TIAM1: variants seen among roughly 807,000 people sequenced by gnomAD.
TIAM1 encodes rho guanine nucleotide exchange factor TIAM1.
TIAM1 carries 65 observed loss-of-function variants against 163.5 expected under a neutral mutation model. The ratio of observed to expected loss-of-function variants is 0.40; its 90% confidence interval spans 0.33 to 0.49. The LOEUF is 0.49. TIAM1 is among the 20% of genes least tolerant of loss of function. The pLI, the probability that TIAM1 is intolerant of heterozygous loss-of-function variation, is 0.77. For synonymous variants in TIAM1, 833 were observed against 810.1 expected (o/e 1.03, Z -0.48); for missense variants, 1,789 against 2,044.7 (o/e 0.87, Z 2.41).
chr21:31,520,843 C>T (rs2047555694), intron 1 of TIAM1, among the ~76,000 whole-genome samples: 1 of 152,216 alleles, frequency 6.6e-6, no homozygotes, highest in African/African-American at 2.4e-5. Context: ...AGACATGCTT[C>T]GCCCTCCAAT....
chr21:31,529,059 C>T (rs756995141), intron 1 of TIAM1, among the ~76,000 whole-genome samples: 2 of 151,052 alleles, frequency 1.3e-5, no homozygotes, highest in South Asian at 2.1e-4. Flanking sequence ...GTAGCCGGGA[C>T]TACAGGCGCC....
chr21:31,448,378 G>T (rs767884193), intron 2 of TIAM1, among the ~76,000 whole-genome samples: 4 of 152,136 alleles, frequency 2.6e-5, no homozygotes, highest in Non-Finnish European at 4.4e-5. Flanking sequence ...GAGGAGGCGG[G>T]CGGATCACCT....
intron 3 of TIAM1, among the ~76,000 whole-genome samples, chr21:31,267,583 C>A (rs1425117233): frequency 7.4e-6 from 1 of 135,276 alleles, no homozygotes; most frequent in South Asian, 2.4e-4. Context: ...AAATGGAAAA[C>A]CTCAAGGTGT....
At position 31,213,361 on chromosome 21, in the gene TIAM1, G is replaced by A. The variant is rs373198945; in HGVS notation, c.2217+37C>T. ...ACCATGTATATGTTGATGCACTTGT[G>A]GTACTTTTAGAAAAGAAAACACACG... On this transcript the variant is annotated intron_variant, in intron 10 of 27. Coordinates refer to ENST00000541036, the MANE Select transcript of TIAM1 (RefSeq NM_001353694.2). The A allele has an allele frequency of 3.2e-6, 5 of 1,569,764 alleles. No homozygotes were observed. The African/African-American group carries it at 4.1e-5, about 13-fold the overall frequency.
At chr21:31,290,484 A>C (rs887367875) in intron 2 of TIAM1, among the ~76,000 whole-genome samples, 1 of 151,786 alleles carries the variant, frequency 6.6e-6, no homozygotes, top group Non-Finnish European at 1.5e-5. Context: ...AAAAAAGAAA[A>C]AAATATATAA....
intron 23 of TIAM1, among the ~76,000 whole-genome samples, chr21:31,134,000 A>G (rs755025802): frequency 3.3e-5 from 5 of 152,098 alleles, no homozygotes; most frequent in African/African-American, 9.7e-5. Flanking sequence ...CCTGGGAGGC[A>G]GAGGTTGCAG....
intron 2 of TIAM1, among the ~76,000 whole-genome samples, chr21:31,300,610 T>C (rs1354228288): frequency 6.6e-6 from 1 of 152,208 alleles, no homozygotes; most frequent in Non-Finnish European, 1.5e-5. Flanking sequence ...TAATAATACA[T>C]CAATTCTCTA....
intron 2 of TIAM1, among the ~76,000 whole-genome samples, chr21:31,396,049 G>C (rs1341276992): frequency 2.6e-5 from 4 of 152,198 alleles, no homozygotes; most frequent in African/African-American, 4.8e-5. Flanking sequence ...TAAATTAGAG[G>C]AAGTCTTATA....
chr21:31,501,536 A>C (rs1277231066), intron 1 of TIAM1, among the ~76,000 whole-genome samples: 1 of 152,128 alleles, frequency 6.6e-6, no homozygotes, highest in Non-Finnish European at 1.5e-5. Flanking sequence ...TTGTTCTCTC[A>C]AGACAAAACT....
chr21:31,445,806 G>A (rs937129610), intron 2 of TIAM1, among the ~76,000 whole-genome samples: 11 of 152,192 alleles, frequency 7.2e-5, no homozygotes, highest in African/African-American at 2.7e-4. Flanking sequence ...CAGCCAGGGG[G>A]AGGAGGGGAG....
rs1292376318 is a variant in TIAM1 at position 31,141,364 on chromosome 21, G to A, written c.3616C>T (p.Leu1206=). 1 of 1,614,246 alleles carries A rather than the reference G, an allele frequency of 6.2e-7. No homozygotes were observed. Among genetic ancestry groups the A allele is most frequent in the Admixed American group, 1.7e-5 (1 of 60,032 alleles). ...YPLLLRELFA[L]TDAESEEHYH... is the part of the protein sequence containing the mutation. ...TGCTCCTCGCTCTCCGCATCGGTCA[G>A]GGCGAACAGCTCCCTGAGCAGAAGT... The change falls in exon 21 of 28, where the codon CTG becomes TTG. Residue 1206 remains leucine (L), a synonymous_variant. Coordinates refer to ENST00000541036, the MANE Select transcript of TIAM1 (RefSeq NM_001353694.2). This position sits in a 1 kb window ranked among gnomAD's most constrained non-coding sequence, Gnocchi z 4.7.
At chr21:31,465,908 G>A (rs981499584) in intron 1 of TIAM1, among the ~76,000 whole-genome samples, 5 of 152,066 alleles carry the variant, frequency 3.3e-5, no homozygotes, top group African/African-American at 1.2e-4. Flanking sequence ...GGGTTTCACC[G>A]TGTTGGCCTG....
intron 16 of TIAM1, 22 bp from the exon 17 acceptor site, chr21:31,154,448 G>A: frequency 6.2e-7 from 1 of 1,604,774 alleles, no homozygotes; most frequent in Middle Eastern, 1.7e-4. Flanking sequence ...AGGGGGGAAG[G>A]GAAGGCAGAG....
chr21:31,483,227 C>A (rs566641765), intron 1 of TIAM1, among the ~76,000 whole-genome samples: 10 of 152,316 alleles, frequency 6.6e-5, no homozygotes, highest in Non-Finnish European at 1.5e-4. Flanking sequence ...GCAGTCCCCA[C>A]CACCATGGGA....
At chr21:31,446,817 A>G (rs1462388186) in intron 2 of TIAM1, among the ~76,000 whole-genome samples, 2 of 152,250 alleles carry the variant, frequency 1.3e-5, no homozygotes, top group Non-Finnish European at 2.9e-5. Context: ...AACAAATGCT[A>G]AGCACAGAAA....
At chr21:31,417,098 C>G (rs1451980393) in intron 2 of TIAM1, among the ~76,000 whole-genome samples, 1 of 152,220 alleles carries the variant, frequency 6.6e-6, no homozygotes, top group Non-Finnish European at 1.5e-5. Flanking sequence ...TCTCGGCTCA[C>G]TGCAACCTCT....
intron 3 of TIAM1, among the ~76,000 whole-genome samples, chr21:31,276,212 C>T (rs1433539493): frequency 6.6e-6 from 1 of 152,112 alleles, no homozygotes; most frequent in Admixed American, 6.5e-5. Flanking sequence ...TTCGCTAAAT[C>T]GTTACAACCC....
At chr21:31,133,013 T>C (rs535367197) in intron 23 of TIAM1, among the ~76,000 whole-genome samples, 1 of 152,352 alleles carries the variant, frequency 6.6e-6, no homozygotes, top group African/African-American at 2.4e-5. Flanking sequence ...AAAGCTGCAC[T>C]ATTTCCTGAG....
chr21:31,118,902 T>C lies in TIAM1; in HGVS notation c.*1466A>G, dbSNP rs1282553347. Reference sequence around the variant, plus strand: ...AGAGCATGATGTACTGAACTCTCTATTGTCTGGAAATATAAAGTCATAACT... The same window carrying C: ...AGAGCATGATGTACTGAACTCTCTACTGTCTGGAAATATAAAGTCATAACT... On this transcript the variant is annotated 3_prime_UTR_variant, in exon 28 of 28. Transcript: ENST00000541036. 4 of 253,048 alleles carry C rather than the reference T, an allele frequency of 1.6e-5. No homozygotes were observed. The highest frequency in any genetic ancestry group is 3.1e-5 in the Non-Finnish European group (4 of 127,500). 15.7% of individuals were successfully genotyped at this position (253,048 alleles called of 1,614,324 possible).
Sources: allele counts gnomAD v4.1 joint callset (sites outside exome capture counted in the v4.1 genomes callset), GRCh38; gene constraint gnomAD v4.1.1; non-coding constraint Gnocchi (gnomAD v3.1); transcripts MANE v1.5; gene names NCBI Gene and HGNC (gene_info 2026-07-23, HGNC 2026-07-21).